MICU1: variants seen among roughly 807,000 people sequenced by gnomAD.
MICU1 encodes calcium uptake protein 1, mitochondrial.
A neutral mutation model predicts 56.8 loss-of-function variants in MICU1; 45 were observed. The ratio of observed to expected loss-of-function variants is 0.79; its 90% CI spans 0.62 to 1.02. MICU1 has a LOEUF of 1.02. Among genes scored for constraint, MICU1 ranks in the 50% least tolerant of loss-of-function variants. The pLI, the probability that MICU1 is intolerant of heterozygous loss-of-function variation, is 0.00. For synonymous variants in MICU1, 186 were observed against 195.1 expected (o/e 0.95, Z 0.39); for missense variants, 504 against 587.1 (o/e 0.86, Z 1.46).
At chr10:72,396,336 G>C (rs1305436353) in intron 10 of MICU1, among the ~76,000 whole-genome samples, 1 of 152,226 alleles carries the variant, frequency 6.6e-6, no homozygotes, top group African/African-American at 2.4e-5. Flanking sequence ...GGAGAAACCA[G>C]AGCAGAAAAG....
At chr10:72,433,188 C>G (rs928831378) in intron 8 of MICU1, among the ~76,000 whole-genome samples, 3 of 151,966 alleles carry the variant, frequency 2.0e-5, no homozygotes, top group Non-Finnish European at 2.9e-5. Flanking sequence ...CATCCTCCTG[C>G]CTTGGCTTCC....
At chr10:72,563,434 G>C (rs1840348543) in intron 2 of MICU1, among the ~76,000 whole-genome samples, 1 of 152,158 alleles carries the variant, frequency 6.6e-6, no homozygotes, top group Admixed American at 6.5e-5. Flanking sequence ...CAACGTGGAT[G>C]AATCTTGAGG....
chr10:72,434,515 C>T (rs1385410257), intron 8 of MICU1, among the ~76,000 whole-genome samples: 2 of 152,036 alleles, frequency 1.3e-5, no homozygotes, highest in African/African-American at 2.4e-5. Context: ...CTTTCAATAA[C>T]ATGAAAAACC....
chr10:72,552,712 G>A (rs538064586), intron 3 of MICU1, among the ~76,000 whole-genome samples: 8 of 152,092 alleles, frequency 5.3e-5, no homozygotes, highest in East Asian at 1.9e-4. Context: ...CGGCCATCAC[G>A]CCCGGCTAAT....
intron 10 of MICU1, among the ~76,000 whole-genome samples, chr10:72,376,504 G>A (rs536368109): frequency 6.6e-6 from 1 of 152,024 alleles, no homozygotes; most frequent in South Asian, 2.1e-4. Context: ...AATTAGCCCG[G>A]CATGGTGGTG....
intron 5 of MICU1, among the ~76,000 whole-genome samples, chr10:72,517,108 C>T (rs901812263): frequency 1.3e-5 from 2 of 152,228 alleles, no homozygotes; most frequent in East Asian, 3.9e-4. Context: ...TCAAGTTACT[C>T]AAAGCTAGGA....
At chr10:72,586,342 T>TCCATGAATAAAGAAC (rs1841059020) in intron 1 of MICU1, among the ~76,000 whole-genome samples, 3 of 152,016 alleles carry the variant, frequency 2.0e-5, no homozygotes, top group Admixed American at 6.6e-5. Flanking sequence ...GTTGGTTGAA[T>TCCATGAATAAAGAAC]CCATGAATAA....
intron 8 of MICU1, among the ~76,000 whole-genome samples, chr10:72,428,575 T>C (rs769106691): frequency 3.9e-5 from 6 of 152,140 alleles, no homozygotes; most frequent in Non-Finnish European, 7.4e-5. Flanking sequence ...CGGCCTCAAG[T>C]GCTGGGATTA....
intron 11 of MICU1, among the ~76,000 whole-genome samples, chr10:72,369,854 G>A (rs1862270269): frequency 1.3e-5 from 2 of 151,160 alleles, no homozygotes; most frequent in South Asian, 2.1e-4. Flanking sequence ...AACTAGAGGC[G>A]CATGCCACCA....
chr10:72,489,770 A>G (rs1313343692), intron 6 of MICU1, among the ~76,000 whole-genome samples: 1 of 152,240 alleles, frequency 6.6e-6, no homozygotes, highest in Admixed American at 6.5e-5. Flanking sequence ...AACAGAAAAA[A>G]GCCAGGACTT....
At chr10:72,538,646 G>A (rs966559848) in intron 4 of MICU1, among the ~76,000 whole-genome samples, 3 of 151,772 alleles carry the variant, frequency 2.0e-5, no homozygotes, top group Non-Finnish European at 2.9e-5. Flanking sequence ...TAACCACAAA[G>A]GAAGACAAAG....
In MICU1 at chr10:72,533,008, T is replaced by A. The variant is rs375979250; in HGVS notation, c.537+738A>T. On this transcript the variant is annotated intron_variant, in intron 5 of 11. Coordinates refer to ENST00000361114, the MANE Select transcript of MICU1 (RefSeq NM_001195518.2). Reference sequence around the variant, plus strand: ...TTGTGATCCTGCCTTTTCCAGCCACTCCATGATTGTCCTTCTGACTTCCTG... The same window carrying A: ...TTGTGATCCTGCCTTTTCCAGCCACACCATGATTGTCCTTCTGACTTCCTG... The A allele has an allele frequency of 1.2e-4, 159 of 1,288,638 alleles. No individual in the cohort carries two copies. The African/African-American group carries it at 2.2e-3, about 18-fold the overall frequency. The allele number at this position is 1,288,638 out of a possible 1,614,324, so 79.8% of individuals were successfully genotyped here. A position where few individuals can be genotyped will look rare whatever the true frequency, so the allele number is the denominator to read the frequency against.
chr10:72,393,011 G>A lies in MICU1; in HGVS notation c.1180+14918C>T, dbSNP rs118025133. ...TCATCACCTCTTTTACATGGAAGAA[G>A]GTGAAACATATGTCAAGTCCAAGGA... On this transcript the variant is annotated intron_variant, in intron 10 of 11. Transcript: ENST00000361114. Among the ~76,000 whole-genome samples, 924 of 152,324 alleles carry A rather than the reference G, an allele frequency of 6.1e-3. 10 individuals are homozygous for A. The highest frequency in any genetic ancestry group is 0.033 in the East Asian group (173 of 5,182).
chr10:72,612,584 G>C (rs2132571238), intron 1 of MICU1, among the ~76,000 whole-genome samples: 1 of 152,200 alleles, frequency 6.6e-6, no homozygotes, highest in African/African-American at 2.4e-5. Flanking sequence ...ATCACTTGAG[G>C]CCAGAAGTTC....
intron 8 of MICU1, among the ~76,000 whole-genome samples, chr10:72,454,674 C>T (rs1478722428): frequency 6.7e-6 from 1 of 148,932 alleles, no homozygotes; most frequent in Non-Finnish European, 1.5e-5. Flanking sequence ...TCCCAGCTAT[C>T]CAGGAGGGTG....
chr10:72,553,333 A>G (rs572232948), intron 3 of MICU1, among the ~76,000 whole-genome samples: 9 of 149,846 alleles, frequency 6.0e-5, no homozygotes, highest in Non-Finnish European at 1.2e-4. Flanking sequence ...TCCCGGGTTC[A>G]CGCCATTCTC....
chr10:72,458,763 C>T (rs1037113522), intron 8 of MICU1, among the ~76,000 whole-genome samples: 37 of 150,620 alleles, frequency 2.5e-4, no homozygotes, highest in Admixed American at 1.7e-3. Context: ...AGGCTGGAGT[C>T]CAGTGTCACG....
intron 4 of MICU1, 58 bp from the exon 5 acceptor site, chr10:72,533,847 A>G (rs1839556516): frequency 8.6e-7 from 1 of 1,162,550 alleles, no homozygotes; most frequent in South Asian, 1.4e-5. Context: ...TGAAATTTAT[A>G]AAATGACAGC....
At chr10:72,447,859 G>A (rs1443651354) in intron 8 of MICU1, among the ~76,000 whole-genome samples, 1 of 152,012 alleles carries the variant, frequency 6.6e-6, no homozygotes, top group African/African-American at 2.4e-5. Context: ...TGGATGAACT[G>A]AGCTAAATTA....
Sources: allele counts gnomAD v4.1 joint callset (sites outside exome capture counted in the v4.1 genomes callset), GRCh38; gene constraint gnomAD v4.1.1; transcripts MANE v1.5; gene names NCBI Gene and HGNC (gene_info 2026-07-23, HGNC 2026-07-21).